Variants in DTNA observed in about 807,000 individuals in gnomAD.
The protein encoded by DTNA is dystrobrevin alpha, also known as dystrophin-related protein 3.
DTNA carries 43 observed loss-of-function variants against 100.7 expected under a neutral mutation model. The observed-to-expected ratio is 0.43, with a 90% CI of 0.33 to 0.55. The LOEUF is 0.55. DTNA is among the 20% of genes least tolerant of loss of function. The pLI, the probability that DTNA is intolerant of heterozygous loss-of-function variation, is 0.04. For missense variants in DTNA, 798 were observed against 953.9 expected, an observed-to-expected ratio of 0.84 and a Z score of 2.15; for synonymous variants, 349 against 347.9, an observed-to-expected ratio of 1.00 and a Z score of -0.04.
intron 3 of DTNA, among the ~76,000 whole-genome samples, chr18:34,774,348 A>T: frequency 6.6e-6 from 1 of 152,172 alleles, no homozygotes; most frequent in East Asian, 1.9e-4. Context: ...GGATCTCAGG[A>T]CTCCAGCACA....
At chr18:34,861,240 C>T (rs1166576851) in intron 16 of DTNA, among the ~76,000 whole-genome samples, 1 of 151,976 alleles carries the variant, frequency 6.6e-6, no homozygotes, top group Non-Finnish European at 1.5e-5. Flanking sequence ...CATCTCAGCA[C>T]TTTAGGAGTG....
At chr18:34,839,020 G>A (rs555352101) in intron 13 of DTNA, among the ~76,000 whole-genome samples, 183 bp downstream of exon 13, 1 of 152,212 alleles carries the variant, frequency 6.6e-6, no homozygotes, top group African/African-American at 2.4e-5. Flanking sequence ...AGGAACCATA[G>A]GATTCATATC....
chr18:34,523,161 A>C (rs1237786713), intron 1 of DTNA, among the ~76,000 whole-genome samples: 1 of 152,202 alleles, frequency 6.6e-6, no homozygotes, highest in Non-Finnish European at 1.5e-5. Context: ...GAGGTAACCT[A>C]ATATTTTCCA....
Position 34,591,965 on chromosome 18 carries a change from C to T in DTNA, c.-2+98451C>T, listed in dbSNP as rs112339691. Among the ~76,000 whole-genome samples the T allele has an allele frequency of 2.6e-3, 391 of 152,118 alleles. 4 individuals carry two copies. Among genetic ancestry groups the T allele is most frequent in the African/African-American group, 8.8e-3 (363 of 41,472 alleles). On this transcript the variant is annotated intron_variant, in intron 1 of 19. Coordinates refer to the DTNA transcript ENST00000283365. ...GCCCTAGATATGATAAAATATAACCCAAAATAGAAGATTCAAAACCATCAA... is the reference window on the plus strand; with the variant it reads ...GCCCTAGATATGATAAAATATAACCTAAAATAGAAGATTCAAAACCATCAA...
chr18:34,793,961 G>A (rs538528474), intron 3 of DTNA, 76 bp from the exon 4 acceptor site: 13 of 1,491,566 alleles, frequency 8.7e-6, no homozygotes, highest in Admixed American at 1.9e-5. Flanking sequence ...AAAAAAACAG[G>A]ACAGAGGGTC....
chr18:34,503,733 G>GTT (rs139710600), intron 1 of DTNA, among the ~76,000 whole-genome samples: 30,899 of 148,248 alleles, frequency 0.21, 3,515 homozygotes, highest in Non-Finnish European at 0.27. Context: ...GGATTTCACT[G>GTT]TTTTTTTTTT....
intron 1 of DTNA, among the ~76,000 whole-genome samples, chr18:34,580,284 TATATCCAAC>T (rs1003522864): frequency 3.3e-5 from 5 of 152,224 alleles, no homozygotes; most frequent in Admixed American, 6.5e-5. Context: ...CTCTGCCTGC[TATATCCAAC>T]ATTTGAGCCA....
intron 4 of DTNA, among the ~76,000 whole-genome samples, chr18:34,800,773 G>A (rs1480378752): frequency 6.6e-6 from 1 of 152,164 alleles, no homozygotes; most frequent in Admixed American, 6.6e-5. Flanking sequence ...ACTTCAAACA[G>A]GAAACCCTGT....
chr18:34,663,839 A>G (rs1354888278), intron 1 of DTNA, among the ~76,000 whole-genome samples: 2 of 152,196 alleles, frequency 1.3e-5, no homozygotes, highest in African/African-American at 4.8e-5. Context: ...GGTGACATTA[A>G]CAAAAGTAAT....
At chr18:34,671,990 A>T (rs1316057986) in intron 1 of DTNA, among the ~76,000 whole-genome samples, 1 of 152,222 alleles carries the variant, frequency 6.6e-6, no homozygotes, top group Non-Finnish European at 1.5e-5. Flanking sequence ...AGCTAGTTAG[A>T]CTAACCTTTG....
intron 3 of DTNA, among the ~76,000 whole-genome samples, chr18:34,771,194 C>T (rs991324539): frequency 6.6e-6 from 1 of 152,054 alleles, no homozygotes; most frequent in African/African-American, 2.4e-5. Flanking sequence ...GTTGACCAAT[C>T]CCTGCTATAA....
intron 1 of DTNA, among the ~76,000 whole-genome samples, chr18:34,509,395 A>G (rs1184498688): frequency 3.9e-5 from 6 of 152,134 alleles, no homozygotes; most frequent in African/African-American, 1.4e-4. Flanking sequence ...TTCTGTGGGT[A>G]GTGGTCCAGA....
In DTNA at chr18:34,888,211, G is replaced by A. The variant is rs2096939710; in HGVS notation, c.*477G>A. 6.1e-6 allele frequency: 6 copies of A among 985,800 alleles called. No individual in the cohort carries two copies. Among genetic ancestry groups the A allele is most frequent in the Non-Finnish European group, 7.2e-6 (6 of 829,924 alleles). 61.1% of individuals were successfully genotyped at this position (985,800 alleles called of 1,614,324 possible). ...ATATTAATACTGTTTATAGCTAGAA[G>A]TTTGATTTCTGAATTCTTTGAGATT... On this transcript the variant is annotated 3_prime_UTR_variant, in exon 23 of 23. Coordinates refer to ENST00000444659, the MANE Select transcript of DTNA (RefSeq NM_001386795.1).
chr18:34,767,572 G>C (rs1234525730), intron 3 of DTNA: 1 of 152,210 alleles, frequency 6.6e-6, no homozygotes, highest in Non-Finnish European at 1.5e-5. Flanking sequence ...TCCAAGTCAA[G>C]GGGCTGCCTC....
intron 13 of DTNA, among the ~76,000 whole-genome samples, chr18:34,843,562 C>T (rs575464236): frequency 7.9e-5 from 12 of 152,180 alleles, no homozygotes; most frequent in African/African-American, 2.6e-4. Context: ...CTGCTGTGTC[C>T]GCAAATAACC....
intron 10 of DTNA, among the ~76,000 whole-genome samples, chr18:34,828,634 A>G (rs2095919156): frequency 6.6e-6 from 1 of 152,178 alleles, no homozygotes; most frequent in South Asian, 2.1e-4. Flanking sequence ...GTATGTGCCC[A>G]TCAACAGGAA....
intron 9 of DTNA, among the ~76,000 whole-genome samples, chr18:34,826,038 A>T (rs1281628177): frequency 6.6e-6 from 1 of 152,150 alleles, no homozygotes; most frequent in East Asian, 1.9e-4. Context: ...TCCCTTATAT[A>T]TCAAAGATAT....
chr18:34,581,610 G>T (rs1042117825), intron 1 of DTNA, among the ~76,000 whole-genome samples: 2 of 146,374 alleles, frequency 1.4e-5, no homozygotes. Context: ...AGTCAGGCAT[G>T]CCCCTAGTTA....
intron 1 of DTNA, among the ~76,000 whole-genome samples, chr18:34,542,178 A>G (rs1352050733): frequency 6.6e-6 from 1 of 151,978 alleles, no homozygotes; most frequent in Admixed American, 6.6e-5. Flanking sequence ...ATTTCTATTC[A>G]TTCTTTTGCC....
Sources: gnomAD v4.1 joint callset for allele counts (sites outside exome capture counted in the v4.1 genomes callset) on GRCh38, gnomAD v4.1.1 for gene constraint, MANE v1.5 for transcripts, NCBI Gene and HGNC (gene_info 2026-07-23, HGNC 2026-07-21) for gene names.